Variants in IRF2BP2 observed in about 807,000 individuals in gnomAD.
IRF2BP2 encodes the protein interferon regulatory factor 2-binding protein 2.
IRF2BP2 carries 13 observed loss-of-function variants against 32.7 expected under a neutral mutation model. The observed-to-expected ratio is 0.40, with a 90% CI of 0.26 to 0.63. IRF2BP2 has a LOEUF of 0.63. Among genes scored for constraint, IRF2BP2 ranks in the 30% least tolerant of loss-of-function variants. The probability of loss-of-function intolerance (pLI) is 0.42; values close to 1 mark genes in which losing one functional copy is unlikely to be tolerated. For synonymous variants in IRF2BP2, 555 were observed against 384.6 expected, an observed-to-expected ratio of 1.44 and a Z score of -5.18; for missense variants, 980 against 830.6, an observed-to-expected ratio of 1.18 and a Z score of -2.21.
chr1:234,608,866 G>A lies in IRF2BP2; in HGVS notation c.629C>T (p.Ala210Val), dbSNP rs1221186842. The A allele has an allele frequency of 3.0e-6, 4 of 1,319,822 alleles. No homozygotes were observed. Among genetic ancestry groups the A allele is most frequent in the Non-Finnish European group, 3.8e-6 (4 of 1,044,360 alleles). 81.8% of individuals were successfully genotyped at this position (1,319,822 alleles called of 1,614,324 possible). ...PTALGLGGRA[A>V]ASLAAVSGTA... Reference sequence around the variant, plus strand: ...TCCGGACACCGCGGCTAAGGAGGCGGCAGCGCGGCCGCCGAGGCCGAGCGC... The same window carrying A: ...TCCGGACACCGCGGCTAAGGAGGCGACAGCGCGGCCGCCGAGGCCGAGCGC... Residue 210 changes from alanine to valine, a missense_variant, in exon 1 of 2, where the codon GCC (alanine) becomes GTC (valine). Coordinates refer to ENST00000366609, the MANE Select transcript of IRF2BP2 (RefSeq NM_182972.3).
At position 234,607,434 on chromosome 1, in the gene IRF2BP2, G is replaced by C; in HGVS notation, c.1467C>G (p.His489Gln). Residue 489 changes from histidine (H) to glutamine (Q), a missense_variant, in exon 2 of 2, where the codon CAC (histidine) becomes CAG (glutamine). By Grantham distance (24) the His-to-Gln change is conservative (BLOSUM62 0). Coordinates refer to ENST00000366609, the MANE Select transcript of IRF2BP2 (RefSeq NM_182972.3). The stretch of plus-strand genomic sequence containing the variant: ...GAGAGGAGTCCGGGAGGCTGGCAGG[G>C]TGCACTGGCTCCAGTCCTCCTGTGT... ...AGNTGGLEPV[H>Q]PASLPDSSLA... The C allele has an allele frequency of 1.2e-6, 2 of 1,614,122 alleles. No individual in the cohort carries two copies. Among genetic ancestry groups the C allele is most frequent in the East Asian group, 2.2e-5 (1 of 44,890 alleles).
chr1:234,607,870 T>C lies in IRF2BP2; in HGVS notation c.1049-18A>G, dbSNP rs142257661. 1.1e-4 allele frequency: 162 copies of C among 1,525,730 alleles called. No homozygotes were observed. The East Asian group carries it at 3.3e-3, about 31-fold the overall frequency. The allele number at this position is 1,525,730 out of a possible 1,614,324, so 94.5% of individuals were successfully genotyped here. A position where few individuals can be genotyped will look rare whatever the true frequency, so the allele number is the denominator to read the frequency against. ...TCTTGCAACTGGAAACACAAAGAAA[T>C]AAAAGGAAAAAGGTAACATAAGTGG... On this transcript the variant is annotated intron_variant, in intron 1 of 1. Coordinates refer to ENST00000366609, the MANE Select transcript of IRF2BP2 (RefSeq NM_182972.3).
chr1:234,607,471 T>C lies in IRF2BP2; in HGVS notation c.1430A>G (p.Gln477Arg). The change falls in exon 2 of 2, where the codon CAG becomes CGG. Residue 477 changes from glutamine to arginine, a missense_variant. Gln to Arg is a conservative substitution (Grantham distance 43). Coordinates refer to ENST00000366609, the MANE Select transcript of IRF2BP2 (RefSeq NM_182972.3). ...CAGTCCTCCTGTGTTGCCTGCTCCC[T>C]GGCCCCCCACCTCTCTGGGGCCCAG... ...RRLGPREVGG[Q>R]GAGNTGGLEP... The C allele has an allele frequency of 6.2e-7, 1 of 1,614,120 alleles. No individual in the cohort carries two copies. The highest frequency in any genetic ancestry group is 8.5e-7 in the Non-Finnish European group (1 of 1,179,934).
In IRF2BP2 at chr1:234,608,985, C is replaced by T. The variant is rs758512787; in HGVS notation, c.510G>A (p.Glu170=). 3 of 1,353,122 alleles carry T rather than the reference C, an allele frequency of 2.2e-6. No individual in the cohort carries two copies. Among genetic ancestry groups the T allele is most frequent in the African/African-American group, 1.5e-5 (1 of 66,280 alleles). 83.8% of individuals were successfully genotyped at this position (1,353,122 alleles called of 1,614,324 possible). A position where few individuals can be genotyped will look rare whatever the true frequency, so the allele number is the denominator to read the frequency against. The change falls in exon 1 of 2, where the codon GAG becomes GAA. Residue 170 remains glutamate (E), a synonymous_variant. Transcript: ENST00000366609. ...NGFSKLEEPP[E]LNRQSPNPRR... is the part of the protein sequence containing the mutation. ...GCGGGTTCGGGCTCTGGCGATTCAG[C>T]TCGGGCGGCTCCTCTAGCTTGGAGA...
rs1189643695 is a variant in IRF2BP2 at position 234,609,007 on chromosome 1, G to A, written c.488C>T (p.Ser163Phe). Residue 163 changes from serine (S) to phenylalanine (F), a missense_variant, in exon 1 of 2, where the codon TCC (serine) becomes TTC (phenylalanine). Transcript: ENST00000366609. ...VNGILVPNGF[S>F]KLEEPPELNR... ...CAGCTCGGGCGGCTCCTCTAGCTTGGAGAAGCCGTTGGGCACCAGGATGCC... is the reference window on the plus strand; with the variant it reads ...CAGCTCGGGCGGCTCCTCTAGCTTGAAGAAGCCGTTGGGCACCAGGATGCC... The A allele has an allele frequency of 1.8e-5, 24 of 1,336,896 alleles. No homozygotes were observed. Among genetic ancestry groups the A allele is most frequent in the East Asian group, 2.9e-5 (1 of 35,080 alleles). The allele number at this position is 1,336,896 out of a possible 1,614,324, so 82.8% of individuals were successfully genotyped here. A position where few individuals can be genotyped will look rare whatever the true frequency, so the allele number is the denominator to read the frequency against.
At position 234,609,686 on chromosome 1, in the gene IRF2BP2, C is replaced by A. The variant is rs1323718826; in HGVS notation, c.-192G>T. 1.4e-5 allele frequency among the ~76,000 whole-genome samples: 2 copies of A among 144,642 alleles called. No individual in the cohort carries two copies. Among genetic ancestry groups the A allele is most frequent in the Non-Finnish European group, 3.1e-5 (2 of 65,082 alleles). The allele number at this position is 144,642 out of a possible 152,430, so 94.9% of individuals were successfully genotyped here. A position where few individuals can be genotyped will look rare whatever the true frequency, so the allele number is the denominator to read the frequency against. Reference sequence around the variant, plus strand: ...GAAGGCTCGGCGCCCGCGCAGCGCCCCCGGTGCACGAGGGGCGGCGGGCGC... The same window carrying A: ...GAAGGCTCGGCGCCCGCGCAGCGCCACCGGTGCACGAGGGGCGGCGGGCGC... On this transcript the variant is annotated 5_prime_UTR_variant, in exon 1 of 2. Transcript: ENST00000366609.
Position 234,607,793 on chromosome 1 carries a change from G to C in IRF2BP2, c.1108C>G (p.Pro370Ala). ...SPEPEGEVGPPKINGEAQPWL... is the reference protein window; with the variant it reads ...SPEPEGEVGPAKINGEAQPWL... The stretch of plus-strand genomic sequence containing the variant: ...GGCTGGGCCTCTCCGTTGATCTTAG[G>C]GGGCCCGACTTCACCTTCTGGTTCT... The change falls in exon 2 of 2, where the codon CCT becomes GCT. Residue 370 changes from proline to alanine, a missense_variant. Physicochemically the swap from Pro to Ala is conservative, Grantham distance 27 (BLOSUM62 -1). Coordinates refer to ENST00000366609, the MANE Select transcript of IRF2BP2 (RefSeq NM_182972.3). 6.2e-7 allele frequency: 1 copy of C among 1,611,438 alleles called. No individual in the cohort carries two copies. Among genetic ancestry groups the C allele is most frequent in the Non-Finnish European group, 8.5e-7 (1 of 1,178,356 alleles).
rs991470914 is a variant in IRF2BP2 at position 234,609,677 on chromosome 1, C to G, written c.-183G>C. Among the ~76,000 whole-genome samples the G allele has an allele frequency of 1.0e-4, 15 of 144,812 alleles. No homozygotes were observed. The highest frequency in any genetic ancestry group is 2.0e-4 in the Non-Finnish European group (13 of 65,188). On this transcript the variant is annotated 5_prime_UTR_variant, in exon 1 of 2. Transcript: ENST00000366609. The stretch of plus-strand genomic sequence containing the variant: ...AAAGCCCGCGAAGGCTCGGCGCCCG[C>G]GCAGCGCCCCCGGTGCACGAGGGGC...
Position 234,609,361 on chromosome 1 carries a change from C to T in IRF2BP2, c.134G>A (p.Gly45Asp). Residue 45 changes from glycine to aspartate, a missense_variant, in exon 1 of 2, where the codon GGC becomes GAC. Transcript: ENST00000366609. ...PVCRGCVNYE[G>D]ADRVEFVIET... is the part of the protein sequence containing the mutation. Reference sequence around the variant, plus strand: ...GATGACGAACTCGACGCGGTCGGCGCCCTCGTAGTTGACGCAGCCGCGGCA... The same window carrying T: ...GATGACGAACTCGACGCGGTCGGCGTCCTCGTAGTTGACGCAGCCGCGGCA... The T allele has an allele frequency of 6.5e-7, 1 of 1,549,416 alleles. No homozygotes were observed. The highest frequency in any genetic ancestry group is 8.7e-7 in the Non-Finnish European group (1 of 1,150,610).
rs187952636 is a variant in IRF2BP2 at position 234,606,117 on chromosome 1, G to C, written c.*1020C>G. Reference sequence around the variant, plus strand: ...CACTAGAAACAGGGTATAGGTGATAGTATCAACAGCAATAGCACTACAGGT... The same window carrying C: ...CACTAGAAACAGGGTATAGGTGATACTATCAACAGCAATAGCACTACAGGT... On this transcript the variant is annotated 3_prime_UTR_variant, in exon 2 of 2. Coordinates refer to ENST00000366609, the MANE Select transcript of IRF2BP2 (RefSeq NM_182972.3). 1 of 152,352 alleles carries C rather than the reference G, an allele frequency of 6.6e-6. No individual in the cohort carries two copies. The highest frequency in any genetic ancestry group is 1.9e-4 in the East Asian group (1 of 5,184). 9.4% of individuals were successfully genotyped at this position (152,352 alleles called of 1,614,324 possible).
chr1:234,606,007 T>G lies in IRF2BP2; in HGVS notation c.*1130A>C, dbSNP rs928078412. The G allele has an allele frequency of 2.0e-5, 3 of 152,226 alleles. No individual in the cohort carries two copies. Among genetic ancestry groups the G allele is most frequent in the Admixed American group, 2.0e-4 (3 of 15,288 alleles). 9.4% of individuals were successfully genotyped at this position (152,226 alleles called of 1,614,324 possible). A position where few individuals can be genotyped will look rare whatever the true frequency, so the allele number is the denominator to read the frequency against. On this transcript the variant is annotated 3_prime_UTR_variant, in exon 2 of 2. Transcript: ENST00000366609. Reference sequence around the variant, plus strand: ...AATTACAGGTTTCCTCCACCCACATTTGGGCTGTCACTGATATGCCCAAGG... The same window carrying G: ...AATTACAGGTTTCCTCCACCCACATGTGGGCTGTCACTGATATGCCCAAGG...
In IRF2BP2 at chr1:234,609,915, G is replaced by C. The variant is rs1426144159; in HGVS notation, c.-421C>G. Among the ~76,000 whole-genome samples the C allele has an allele frequency of 7.0e-6, 1 of 142,296 alleles. No homozygotes were observed. Among genetic ancestry groups the C allele is most frequent in the Non-Finnish European group, 1.6e-5 (1 of 64,104 alleles). 93.4% of individuals were successfully genotyped at this position (142,296 alleles called of 152,430 possible). On this transcript the variant is annotated 5_prime_UTR_variant, in exon 1 of 2. Coordinates refer to ENST00000366609, the MANE Select transcript of IRF2BP2 (RefSeq NM_182972.3). ...GGCGGCCGGCACGGAGTGCGGGGCG[G>C]GGGGCGGGGAGGCCGGGGGGGCAGG...
In IRF2BP2 at chr1:234,607,462, C is replaced by A. The variant is rs779775161; in HGVS notation, c.1439G>T (p.Gly480Val). 6.2e-7 allele frequency: 1 copy of A among 1,614,076 alleles called. No homozygotes were observed. Among genetic ancestry groups the A allele is most frequent in the South Asian group, 1.1e-5 (1 of 91,086 alleles). ...GPREVGGQGA[G>V]NTGGLEPVHP... is the part of the protein sequence containing the mutation. ...CACTGGCTCCAGTCCTCCTGTGTTG[C>A]CTGCTCCCTGGCCCCCCACCTCTCT... The change falls in exon 2 of 2, where the codon GGC (glycine) becomes GTC (valine). Residue 480 changes from glycine to valine, a missense_variant. Physicochemically the swap from Gly to Val is moderately radical, Grantham distance 109 (BLOSUM62 -3). Transcript: ENST00000366609.
At chr1:234,607,894 G>A (rs1408280277) in intron 1 of IRF2BP2, 42 bp from the exon 2 acceptor site, 4 of 1,430,698 alleles carry the variant, frequency 2.8e-6, no homozygotes, top group East Asian at 4.6e-5. Context: ...TAACATAAGT[G>A]GCGGTGCACT....
chr1:234,608,074 G>T lies in IRF2BP2; in HGVS notation c.1049-222C>A, dbSNP rs755829995. ...CAGACTGATTTAAAATGGAGCCACT[G>T]AAAATGACACGCTTGTAACTGCCTG... On this transcript the variant is annotated intron_variant, in intron 1 of 1. Transcript: ENST00000366609. 7.1e-6 allele frequency: 4 copies of T among 561,904 alleles called. No homozygotes were observed. In the East Asian group the frequency reaches 1.1e-4, roughly 16 times the overall value. The allele number at this position is 561,904 out of a possible 1,614,324, so 34.8% of individuals were successfully genotyped here. A position where few individuals can be genotyped will look rare whatever the true frequency, so the allele number is the denominator to read the frequency against.
At position 234,607,153 on chromosome 1, in the gene IRF2BP2, T is replaced by C; in HGVS notation, c.1748A>G (p.Lys583Arg). Reference sequence around the variant, plus strand: ...CCGGAAAAGTCACGAGTCTCTCTCTTTTTTCACTTTCACATCTCCAGCAAG... The same window carrying C: ...CCGGAAAAGTCACGAGTCTCTCTCTCTTTTCACTTTCACATCTCCAGCAAG... Reference protein sequence around the residue: ...TILAGDVKVKKERDS With the variant: ...TILAGDVKVKRERDS Residue 583 changes from lysine (K) to arginine (R), a missense_variant, in exon 2 of 2, where the codon AAA (lysine) becomes AGA (arginine). Physicochemically the swap from Lys to Arg is conservative, Grantham distance 26. Transcript: ENST00000366609. 1.2e-6 allele frequency: 2 copies of C among 1,608,072 alleles called. No individual in the cohort carries two copies. The highest frequency in any genetic ancestry group is 1.7e-6 in the Non-Finnish European group (2 of 1,175,350).
rs1672277690 is a variant in IRF2BP2, at chr1:234,609,398, T to C, written c.97A>G (p.Thr33Ala). 5 of 1,564,984 alleles carry C rather than the reference T, an allele frequency of 3.2e-6. No individual in the cohort carries two copies. Among genetic ancestry groups the C allele is most frequent in the East Asian group, 2.5e-5 (1 of 39,230 alleles). ...ACGCAGCCGCGGCAGACGGGTTCGG[T>C]GAAGTCCCAGATCATGGCCCAGGGC... is the stretch of plus-strand genomic sequence containing the variant. Reference protein sequence around the residue: ...RMPWAMIWDFTEPVCRGCVNY... With the variant: ...RMPWAMIWDFAEPVCRGCVNY... Residue 33 changes from threonine to alanine, a missense_variant, in exon 1 of 2, where the codon ACC becomes GCC. Thr to Ala is a moderately conservative substitution (Grantham distance 58, BLOSUM62 0). Coordinates refer to ENST00000366609, the MANE Select transcript of IRF2BP2 (RefSeq NM_182972.3).
rs1448835773 is a variant in IRF2BP2 at position 234,607,812 on chromosome 1, T to C, written c.1089A>G (p.Pro363=). ...TCTTAGGGGGCCCGACTTCACCTTCTGGTTCTGGAGAGGGCTTCCTTTTCC... is the reference window on the plus strand; with the variant it reads ...TCTTAGGGGGCCCGACTTCACCTTCCGGTTCTGGAGAGGGCTTCCTTTTCC... ...TARKRKPSPE[P]EGEVGPPKIN... The change falls in exon 2 of 2, where the codon CCA becomes CCG. Residue 363 remains proline, a synonymous_variant. Coordinates refer to ENST00000366609, the MANE Select transcript of IRF2BP2 (RefSeq NM_182972.3). The C allele has an allele frequency of 9.3e-6, 15 of 1,606,280 alleles. No homozygotes were observed. Among genetic ancestry groups the C allele is most frequent in the Admixed American group, 3.4e-5 (2 of 59,210 alleles).
intron 1 of IRF2BP2, chr1:234,608,108 C>G: frequency 3.6e-6 from 2 of 548,516 alleles, no homozygotes; most frequent in South Asian, 5.2e-5. Context: ...TGTTTGTACA[C>G]ATGCACAAAA....
Sources: allele counts gnomAD v4.1 joint callset (sites outside exome capture counted in the v4.1 genomes callset), GRCh38; gene constraint gnomAD v4.1.1; transcripts MANE v1.5; gene names NCBI Gene and HGNC (gene_info 2026-07-23, HGNC 2026-07-21).